Variants in GALNT13 observed in about 807,000 individuals in gnomAD.
The protein encoded by GALNT13 is UDP-GalNAc:polypeptide N-acetylgalactosaminyltransferase 13.
A neutral mutation model predicts 64.2 loss-of-function variants in GALNT13; 28 were observed. The ratio of observed to expected loss-of-function variants is 0.44; its 90% CI spans 0.32 to 0.60. The LOEUF (loss-of-function observed/expected upper bound fraction) is 0.60. Among genes scored for constraint, GALNT13 ranks in the 20% least tolerant of loss-of-function variants. The probability of loss-of-function intolerance (pLI) is 0.05; values close to 1 mark genes in which losing one functional copy is unlikely to be tolerated. For synonymous variants in GALNT13, 214 were observed against 224.6 expected (o/e 0.95, Z 0.42); for missense variants, 577 against 669.8 (o/e 0.86, Z 1.53).
the GALNT13 span, among the ~76,000 whole-genome samples, chr2:153,296,687 T>G: frequency 2.6e-5 from 4 of 152,164 alleles, no homozygotes; most frequent in Admixed American, 6.6e-5. Flanking sequence ...AGTAGTTACT[T>G]GAAGAGACAG....
the GALNT13 span, among the ~76,000 whole-genome samples, chr2:153,117,800 C>T: frequency 6.6e-6 from 1 of 152,140 alleles, no homozygotes; most frequent in Admixed American, 6.6e-5. Context: ...CTTCCACTAA[C>T]TTGGTTGTCT....
chr2:153,506,708 G>C, the GALNT13 span, among the ~76,000 whole-genome samples: 1 of 152,190 alleles, frequency 6.6e-6, no homozygotes, highest in Non-Finnish European at 1.5e-5. Flanking sequence ...TGAGAAATCT[G>C]CTGTTACTCT....
intron 3 of GALNT13, among the ~76,000 whole-genome samples, chr2:154,013,262 G>A (rs1263517227): frequency 6.6e-6 from 1 of 151,364 alleles, no homozygotes; most frequent in Non-Finnish European, 1.5e-5. Flanking sequence ...GTTTGATTGT[G>A]GTATAGGGTG....
chr2:153,632,279 C>T, the GALNT13 span, among the ~76,000 whole-genome samples: 1 of 152,166 alleles, frequency 6.6e-6, no homozygotes, highest in African/African-American at 2.4e-5. Flanking sequence ...TATACTTTGT[C>T]CCTAGCCCCC....
the GALNT13 span, among the ~76,000 whole-genome samples, chr2:153,588,482 C>G: frequency 6.6e-6 from 1 of 152,190 alleles, no homozygotes; most frequent in Non-Finnish European, 1.5e-5. Flanking sequence ...TGCAAGCTGC[C>G]AAAACTTGGG....
At chr2:153,080,786 G>A in the GALNT13 span, among the ~76,000 whole-genome samples, 1 of 151,890 alleles carries the variant, frequency 6.6e-6, no homozygotes, top group African/African-American at 2.4e-5. Context: ...TCCACTTTAT[G>A]TAATGTTTTG....
At chr2:154,164,370 C>T (rs924295128) in intron 4 of GALNT13, among the ~76,000 whole-genome samples, 1 of 151,966 alleles carries the variant, frequency 6.6e-6, no homozygotes, top group Non-Finnish European at 1.5e-5. Context: ...TTCTGTGTAA[C>T]ATTAATTATA....
intron 4 of GALNT13, among the ~76,000 whole-genome samples, chr2:154,167,845 C>G (rs1047751364): frequency 6.6e-6 from 1 of 152,138 alleles, no homozygotes; most frequent in South Asian, 2.1e-4. Flanking sequence ...ATGGATGGTA[C>G]CCTGGTATGG....
intron 11 of GALNT13, chr2:154,437,681 C>T (rs1451906441): frequency 2.2e-6 from 1 of 458,500 alleles, no homozygotes; most frequent in South Asian, 1.6e-5. Flanking sequence ...ATAGTGAAAC[C>T]CCGTCTCTAC....
the GALNT13 span, among the ~76,000 whole-genome samples, chr2:153,675,486 T>C: frequency 2.0e-5 from 3 of 151,664 alleles, no homozygotes; most frequent in East Asian, 3.9e-4. Context: ...TAAGTGGGAG[T>C]TGAATAACAA....
the GALNT13 span, among the ~76,000 whole-genome samples, chr2:153,734,320 T>A: frequency 6.6e-6 from 1 of 152,168 alleles, no homozygotes; most frequent in Non-Finnish European, 1.5e-5. Flanking sequence ...ATTTACTAGG[T>A]AAATCATAGC....
chr2:154,259,608 G>T (rs1008349671), intron 8 of GALNT13, among the ~76,000 whole-genome samples: 1 of 152,244 alleles, frequency 6.6e-6, no homozygotes, highest in Admixed American at 6.5e-5. Context: ...ATTATTGTTG[G>T]ATAAGTCAGT....
intron 4 of GALNT13, among the ~76,000 whole-genome samples, chr2:154,185,639 C>A (rs1686208716): frequency 6.6e-6 from 1 of 151,830 alleles, no homozygotes; most frequent in South Asian, 2.1e-4. Flanking sequence ...TTAAAGTTCT[C>A]CATTGACTTT....
chr2:153,497,419 C>T, the GALNT13 span, among the ~76,000 whole-genome samples: 1 of 149,880 alleles, frequency 6.7e-6, no homozygotes, highest in South Asian at 2.1e-4. Flanking sequence ...TCTCCTGCTG[C>T]TTATTGGTGC....
chr2:154,012,636 G>A (rs969032223), intron 3 of GALNT13, among the ~76,000 whole-genome samples: 1 of 152,072 alleles, frequency 6.6e-6, no homozygotes, highest in Non-Finnish European at 1.5e-5. Context: ...AGAAATTTTT[G>A]TGGACTGTAT....
At chr2:154,190,843 A>G (rs1035531755) in intron 4 of GALNT13, among the ~76,000 whole-genome samples, 2 of 152,244 alleles carry the variant, frequency 1.3e-5, no homozygotes, top group African/African-American at 2.4e-5. Flanking sequence ...TTTTTAATTT[A>G]TCCAATATAT....
At chr2:153,276,266 G>T in the GALNT13 span, among the ~76,000 whole-genome samples, 3 of 151,844 alleles carry the variant, frequency 2.0e-5, no homozygotes, top group African/African-American at 7.3e-5. Flanking sequence ...TTTAGAAAAG[G>T]TTTATACTTT....
At chr2:153,814,485 A>G in the GALNT13 span, among the ~76,000 whole-genome samples, 50,185 of 150,002 alleles carry the variant, frequency 0.33, 8,809 homozygotes, top group Middle Eastern at 0.5. Flanking sequence ...AAATAAATAA[A>G]TAAATAAATA....
chr2:154,266,844 A>G (rs1380285026), intron 8 of GALNT13, among the ~76,000 whole-genome samples: 2 of 152,066 alleles, frequency 1.3e-5, no homozygotes, highest in South Asian at 4.1e-4. Context: ...TTTGTTAGGT[A>G]GAAATTGACA....
Sources: gnomAD v4.1 joint callset for allele counts (sites outside exome capture counted in the v4.1 genomes callset) on GRCh38, gnomAD v4.1.1 for gene constraint, MANE v1.5 for transcripts, NCBI Gene and HGNC (gene_info 2026-07-23, HGNC 2026-07-21) for gene names.